RNF152: variants seen among roughly 807,000 people sequenced by gnomAD.
The protein encoded by RNF152 is ring finger protein 152.
Under a neutral mutation model 12.7 loss-of-function variants are expected in RNF152, and 11 were observed. That is an observed-to-expected ratio of 0.86 (90% CI 0.54 to 1.43). The LOEUF (loss-of-function observed/expected upper bound fraction) is 1.43, where lower values mean the gene tolerates loss of function less well. Ranked by LOEUF, RNF152 falls within the 40% of genes most tolerant of loss-of-function variation. RNF152 has a pLI of 0.00. For missense variants in RNF152, 255 were observed against 274.8 expected (o/e 0.93, Z 0.51); for synonymous variants, 113 against 120.3 (o/e 0.94, Z 0.40).
chr18:61,837,314 G>A (rs1194073768), intron 1 of RNF152, among the ~76,000 whole-genome samples: 1 of 152,108 alleles, frequency 6.6e-6, no homozygotes, highest in Non-Finnish European at 1.5e-5. Flanking sequence ...GGATTGAGTG[G>A]GGAAAATGCC....
At chr18:61,876,063 T>G (rs1241597622) in intron 1 of RNF152, among the ~76,000 whole-genome samples, 1 of 152,144 alleles carries the variant, frequency 6.6e-6, no homozygotes, top group South Asian at 2.1e-4. Flanking sequence ...ACTCCCATAC[T>G]ACCAGTCCCA....
chr18:61,866,672 G>C (rs1317574813), intron 1 of RNF152, among the ~76,000 whole-genome samples: 2 of 152,110 alleles, frequency 1.3e-5, no homozygotes, highest in African/African-American at 4.8e-5. Context: ...TCCTCTCCCT[G>C]CTGTGTGCTC....
chr18:61,873,313 C>A (rs34388357), intron 1 of RNF152, among the ~76,000 whole-genome samples: 48,171 of 152,118 alleles, frequency 0.32, 8,585 homozygotes, highest in Middle Eastern at 0.43. Context: ...AAATTGTACT[C>A]AAAAATTCTG....
intron 1 of RNF152, among the ~76,000 whole-genome samples, chr18:61,828,859 A>C (rs1294168269): frequency 6.6e-6 from 1 of 152,212 alleles, no homozygotes; most frequent in Non-Finnish European, 1.5e-5. Context: ...GAATACAGGC[A>C]GCCATGCTTG....
intron 1 of RNF152, among the ~76,000 whole-genome samples, chr18:61,884,050 C>G (rs1912581724): frequency 6.6e-6 from 1 of 152,140 alleles, no homozygotes; most frequent in African/African-American, 2.4e-5. Flanking sequence ...CCTATTCATC[C>G]CGATATTTCC....
chr18:61,831,939 G>A (rs1036633200), intron 1 of RNF152, among the ~76,000 whole-genome samples: 1 of 151,956 alleles, frequency 6.6e-6, no homozygotes, highest in African/African-American at 2.4e-5. Flanking sequence ...GTGTGGGTGT[G>A]TATAGGGGTG....
At chr18:61,885,417 C>T (rs1912645199) in intron 1 of RNF152, among the ~76,000 whole-genome samples, 1 of 152,152 alleles carries the variant, frequency 6.6e-6, no homozygotes, top group African/African-American at 2.4e-5. Flanking sequence ...AGGCAATTCT[C>T]CTGCCTCAGC....
At chr18:61,881,027 T>G (rs1441335187) in intron 1 of RNF152, among the ~76,000 whole-genome samples, 1 of 150,886 alleles carries the variant, frequency 6.6e-6, no homozygotes, top group Non-Finnish European at 1.5e-5. Flanking sequence ...GATTCTCCCA[T>G]CTCAGCCTCC....
intron 1 of RNF152, among the ~76,000 whole-genome samples, chr18:61,845,244 C>G (rs1274380667): frequency 6.6e-6 from 1 of 152,240 alleles, no homozygotes; most frequent in Non-Finnish European, 1.5e-5. Context: ...AGCCACTGCA[C>G]CCACCCAAGA....
rs895477834 is a variant in RNF152, at chr18:61,809,857, A to G, written c.*5995T>C. ...GGGATACCCCAGGCAGTGAATCCTG[A>G]AAAAAAAAAAAAAAAAAAAAGTCAT... On this transcript the variant is annotated 3_prime_UTR_variant, in exon 2 of 2. Coordinates refer to ENST00000312828, the MANE Select transcript of RNF152 (RefSeq NM_173557.3). The G allele has an allele frequency of 7.1e-4, 22 of 31,196 alleles. No individual in the cohort carries two copies. The highest frequency in any genetic ancestry group is 1.0e-3 in the Non-Finnish European group (13 of 12,434). 1.9% of individuals were successfully genotyped at this position (31,196 alleles called of 1,614,324 possible). A position where few individuals can be genotyped will look rare whatever the true frequency, so the allele number is the denominator to read the frequency against.
chr18:61,824,558 T>G (rs903421041), intron 1 of RNF152, among the ~76,000 whole-genome samples: 2 of 152,236 alleles, frequency 1.3e-5, no homozygotes, highest in Admixed American at 6.5e-5. Context: ...GCTTAATGAG[T>G]GCATCTAGCT....
chr18:61,855,939 T>C (rs1911211151), intron 1 of RNF152, among the ~76,000 whole-genome samples: 1 of 152,130 alleles, frequency 6.6e-6, no homozygotes, highest in Non-Finnish European at 1.5e-5. Flanking sequence ...AAGTATTCAC[T>C]ACTCCACATA....
intron 1 of RNF152, among the ~76,000 whole-genome samples, chr18:61,847,628 C>T (rs1424496135): frequency 6.6e-6 from 1 of 152,206 alleles, no homozygotes. Context: ...AATGGTGATA[C>T]GATTTGAAAC....
At chr18:61,890,773 A>G (rs543412532) in intron 1 of RNF152, among the ~76,000 whole-genome samples, 1 of 152,356 alleles carries the variant, frequency 6.6e-6, no homozygotes, top group South Asian at 2.1e-4. Flanking sequence ...GTGGGTTCAA[A>G]CAACTCTGAG....
rs1278975271 is a variant in RNF152, at chr18:61,812,916, G to C, written c.*2936C>G. ...AAAGGGTATTCATCAACCCTAGAAAGGATCATAGCCAGATAGAGATATAGA... is the reference window on the plus strand; with the variant it reads ...AAAGGGTATTCATCAACCCTAGAAACGATCATAGCCAGATAGAGATATAGA... On this transcript the variant is annotated 3_prime_UTR_variant, in exon 2 of 2. Coordinates refer to ENST00000312828, the MANE Select transcript of RNF152 (RefSeq NM_173557.3). 6.6e-6 allele frequency: 1 copy of C among 152,154 alleles called. No individual in the cohort carries two copies. Among genetic ancestry groups the C allele is most frequent in the Non-Finnish European group, 1.5e-5 (1 of 68,042 alleles). The allele number at this position is 152,154 out of a possible 1,614,324, so 9.4% of individuals were successfully genotyped here. A position where few individuals can be genotyped will look rare whatever the true frequency, so the allele number is the denominator to read the frequency against.
At chr18:61,874,592 T>C (rs1912133870) in intron 1 of RNF152, among the ~76,000 whole-genome samples, 1 of 152,196 alleles carries the variant, frequency 6.6e-6, no homozygotes, top group Non-Finnish European at 1.5e-5. Flanking sequence ...AAGGTGGCAG[T>C]ACATAGGCTG....
At chr18:61,879,965 CA>C (rs11341958) in intron 1 of RNF152, among the ~76,000 whole-genome samples, 68,544 of 140,100 alleles carry the variant, frequency 0.49, 15,914 homozygotes, top group East Asian at 0.75. Context: ...AACTCCATCT[CA>C]AAAAAAAAAA....
At chr18:61,878,305 A>G (rs984810309) in intron 1 of RNF152, among the ~76,000 whole-genome samples, 1 of 152,178 alleles carries the variant, frequency 6.6e-6, no homozygotes. Context: ...AACATCCCAC[A>G]CTGCACAGGA....
chr18:61,854,951 G>T (rs577130885), intron 1 of RNF152, among the ~76,000 whole-genome samples: 1 of 152,314 alleles, frequency 6.6e-6, no homozygotes, highest in African/African-American at 2.4e-5. Flanking sequence ...CTCACAGACT[G>T]TCTCAAATGC....
Sources: allele counts gnomAD v4.1 joint callset (sites outside exome capture counted in the v4.1 genomes callset), GRCh38; gene constraint gnomAD v4.1.1; transcripts MANE v1.5; gene names NCBI Gene and HGNC (gene_info 2026-07-23, HGNC 2026-07-21).